ANKFN1: variants seen among roughly 807,000 people sequenced by gnomAD.
ANKFN1 encodes ankyrin repeat and fibronectin type-III domain-containing protein 1.
In ANKFN1, 74 loss-of-function variants were observed where a neutral mutation model predicts 108.7. The observed-to-expected ratio is 0.68, with a 90% CI of 0.56 to 0.83. The LOEUF (loss-of-function observed/expected upper bound fraction) is 0.83, where lower values mean the gene tolerates loss of function less well. Ranked by LOEUF, ANKFN1 falls within the 40% of genes least tolerant of loss-of-function variation. ANKFN1 has a pLI of 0.00. For synonymous variants in ANKFN1, 547 were observed against 516.2 expected (o/e 1.06, Z -0.81); for missense variants, 1,505 against 1,382.3 (o/e 1.09, Z -1.41).
intron 3 of ANKFN1, among the ~76,000 whole-genome samples, chr17:56,251,488 GT>G (rs1038363820): frequency 5.3e-5 from 8 of 152,234 alleles, no homozygotes; most frequent in East Asian, 3.9e-4. Context: ...TTTGGGGCAG[GT>G]TTTTTTCTAA....
intron 8 of ANKFN1, among the ~76,000 whole-genome samples, chr17:56,416,167 G>A (rs565282030): frequency 6.6e-6 from 1 of 152,222 alleles, no homozygotes; most frequent in African/African-American, 2.4e-5. Context: ...AATTTCTTCA[G>A]TAATATCCCG....
chr17:56,136,095 A>G (rs1039434924), intron 4 of ANKFN1, among the ~76,000 whole-genome samples: 1 of 152,170 alleles, frequency 6.6e-6, no homozygotes, highest in African/African-American at 2.4e-5. Flanking sequence ...ATGATCTGTC[A>G]GGAAGAGTTT....
intron 8 of ANKFN1, among the ~76,000 whole-genome samples, chr17:56,426,165 T>G (rs1373960513): frequency 6.6e-6 from 1 of 152,238 alleles, no homozygotes. Context: ...CCAAGTACCT[T>G]ACTCCCAAGA....
chr17:56,204,985 G>C (rs926733505), intron 1 of ANKFN1, among the ~76,000 whole-genome samples: 1 of 152,086 alleles, frequency 6.6e-6, no homozygotes, highest in Non-Finnish European at 1.5e-5. Context: ...CTGAGGCAGG[G>C]GAATGGTGTG....
chr17:56,509,571 C>G (rs1027708148), intron 20 of ANKFN1, among the ~76,000 whole-genome samples: 1 of 152,114 alleles, frequency 6.6e-6, no homozygotes, highest in African/African-American at 2.4e-5. Context: ...TGAAAAAAGG[C>G]GGTCTTTTAC....
At chr17:56,374,959 A>G (rs1303368320) in intron 8 of ANKFN1, among the ~76,000 whole-genome samples, 1 of 152,216 alleles carries the variant, frequency 6.6e-6, no homozygotes, top group Non-Finnish European at 1.5e-5. Context: ...TTACTGTTTC[A>G]TTCATCTTTG....
chr17:56,379,401 G>GAA (rs760606804), intron 8 of ANKFN1, among the ~76,000 whole-genome samples: 5 of 90,654 alleles, frequency 5.5e-5, no homozygotes, highest in Admixed American at 2.4e-4. Flanking sequence ...TCCATCTCAA[G>GAA]AAAAAAAAAA....
At chr17:56,365,825 A>T (rs939031829) in intron 6 of ANKFN1, among the ~76,000 whole-genome samples, 2 of 152,234 alleles carry the variant, frequency 1.3e-5, no homozygotes, top group African/African-American at 4.8e-5. Context: ...ACATACAGTT[A>T]TGTACAGGAC....
At chr17:56,281,410 G>A (rs2044079368) in intron 3 of ANKFN1, among the ~76,000 whole-genome samples, 1 of 151,974 alleles carries the variant, frequency 6.6e-6, no homozygotes, top group Non-Finnish European at 1.5e-5. Context: ...AATTTTATAT[G>A]GATCACAGAC....
intron 4 of ANKFN1, among the ~76,000 whole-genome samples, chr17:56,119,441 A>G (rs1279026325): frequency 1.3e-5 from 2 of 152,140 alleles, no homozygotes; most frequent in African/African-American, 4.8e-5. Context: ...CTAGACAGCT[A>G]TGTGGTAGGG....
chr17:56,364,424 C>A (rs1314044616), intron 6 of ANKFN1, among the ~76,000 whole-genome samples: 1 of 152,052 alleles, frequency 6.6e-6, no homozygotes, highest in African/African-American at 2.4e-5. Flanking sequence ...TTAATGCAAC[C>A]TATTTCTTTT....
chr17:56,181,843 C>A (rs1441745609), intron 1 of ANKFN1, among the ~76,000 whole-genome samples: 1 of 152,170 alleles, frequency 6.6e-6, no homozygotes, highest in African/African-American at 2.4e-5. Context: ...GACAACCCTG[C>A]AGTGAGCCTA....
At chr17:56,070,857 C>T (rs1261445744) in intron 4 of ANKFN1, among the ~76,000 whole-genome samples, 2 of 152,014 alleles carry the variant, frequency 1.3e-5, no homozygotes, top group Non-Finnish European at 2.9e-5. Flanking sequence ...GCCTCAGCCT[C>T]CCAAGTAGCT....
chr17:56,049,457 T>C (rs1226126742), intron 4 of ANKFN1, among the ~76,000 whole-genome samples: 1 of 151,906 alleles, frequency 6.6e-6, no homozygotes, highest in Non-Finnish European at 1.5e-5. Context: ...TAGTTACATA[T>C]GTATACATGT....
intron 4 of ANKFN1, among the ~76,000 whole-genome samples, chr17:56,081,397 G>A (rs1459424090): frequency 6.6e-6 from 1 of 152,058 alleles, no homozygotes; most frequent in Non-Finnish European, 1.5e-5. Flanking sequence ...TTGTTGCCCA[G>A]GCTGGAGTGC....
intron 8 of ANKFN1, among the ~76,000 whole-genome samples, chr17:56,379,944 C>G (rs1020903982): frequency 2.0e-5 from 3 of 152,170 alleles, no homozygotes; most frequent in Admixed American, 6.5e-5. Flanking sequence ...AAGTTCCTCC[C>G]CATTAAAATC....
intron 6 of ANKFN1, among the ~76,000 whole-genome samples, chr17:56,368,954 A>G (rs2046738776): frequency 1.3e-5 from 2 of 152,208 alleles, no homozygotes; most frequent in Non-Finnish European, 2.9e-5. Flanking sequence ...GTGGCAACAG[A>G]TAAGTTTGCA....
At chr17:56,367,057 T>C (rs2144744346) in intron 6 of ANKFN1, among the ~76,000 whole-genome samples, 1 of 152,336 alleles carries the variant, frequency 6.6e-6, no homozygotes, top group South Asian at 2.1e-4. Flanking sequence ...ATGATTGTCT[T>C]AGTGCCTCAT....
upstream of ANKFN1, among the ~76,000 whole-genome samples, chr17:56,152,262 ATGTGTGTGTGTGTGTGTG>A (rs200366444): frequency 1.3e-5 from 1 of 77,714 alleles, no homozygotes. Flanking sequence ...ATATATATAT[ATGTGTGTGTGTGTGTGTG>A]TGTGTGTGTG....
Sources: allele counts gnomAD v4.1 joint callset (sites outside exome capture counted in the v4.1 genomes callset), GRCh38; gene constraint gnomAD v4.1.1; transcripts MANE v1.5; gene names NCBI Gene and HGNC (gene_info 2026-07-23, HGNC 2026-07-21).